Variants in LAP3 observed in about 807,000 individuals in gnomAD.
LAP3 encodes the protein leucine aminopeptidase 3.
In LAP3, 46 loss-of-function variants were observed where a neutral mutation model predicts 58.8. That is an observed-to-expected ratio of 0.78 (90% CI 0.62 to 1.00). The LOEUF is 1.00. LAP3 is among the 50% of genes least tolerant of loss of function. LAP3 has a pLI of 0.00. For missense variants in LAP3, 615 were observed against 659.1 expected (o/e 0.93, Z 0.73); for synonymous variants, 257 against 237.7 (o/e 1.08, Z -0.75).
At chr4:17,607,328 A>G in intron 12 of LAP3, 72 bp from the exon 13 acceptor site, 1 of 1,355,884 alleles carries the variant, frequency 7.4e-7, no homozygotes, top group Non-Finnish European at 1.0e-6. Flanking sequence ...TATAGAATGT[A>G]CTTAGCAAAA....
intron 10 of LAP3, among the ~76,000 whole-genome samples, chr4:17,604,307 G>T (rs1714061922): frequency 9.0e-6 from 1 of 111,008 alleles, no homozygotes; most frequent in South Asian, 2.9e-4. Context: ...TAGATGTCTG[G>T]AAGGAAATTT....
intron 11 of LAP3, among the ~76,000 whole-genome samples, chr4:17,606,586 C>T (rs766296016): frequency 1.3e-5 from 2 of 152,228 alleles, no homozygotes; most frequent in Non-Finnish European, 2.9e-5. Context: ...GATCCACCCG[C>T]CTCGGCCTCC....
chr4:17,597,197 C>A, intron 9 of LAP3, 63 bp downstream of exon 9: 1 of 1,351,960 alleles, frequency 7.4e-7, no homozygotes, highest in Non-Finnish European at 1.1e-6. Flanking sequence ...GTGGTGGCCA[C>A]ATAACCACAG....
At chr4:17,589,930 C>T (rs552825341) in intron 7 of LAP3, among the ~76,000 whole-genome samples, 1 of 152,126 alleles carries the variant, frequency 6.6e-6, no homozygotes, top group African/African-American at 2.4e-5. Context: ...TAATCTTATT[C>T]AACCATAAGT....
chr4:17,581,947 T>G (rs1451445249), intron 3 of LAP3, 133 bp downstream of exon 3: 2 of 778,964 alleles, frequency 2.6e-6, no homozygotes, highest in East Asian at 2.5e-5. Context: ...AGCAGAACAT[T>G]TAAGATTAAG....
intron 7 of LAP3, among the ~76,000 whole-genome samples, chr4:17,590,467 T>C (rs1713656990): frequency 6.6e-6 from 1 of 152,224 alleles, no homozygotes; most frequent in Admixed American, 6.5e-5. Context: ...ATGGTTTTCC[T>C]GGTATAGCCC....
intron 2 of LAP3, 63 bp downstream of exon 2, chr4:17,580,002 T>C: frequency 1.1e-6 from 1 of 940,858 alleles, no homozygotes; most frequent in Non-Finnish European, 1.6e-6. Context: ...TATTTTTTCT[T>C]TCTTTTCTTT....
chr4:17,607,370 T>G, intron 12 of LAP3, 30 bp from the exon 13 acceptor site: 1 of 1,594,102 alleles, frequency 6.3e-7, no homozygotes, highest in Admixed American at 1.8e-5. Context: ...TTACATGGGG[T>G]TGTAAAGTGC....
chr4:17,583,059 A>T (rs1713405431), intron 4 of LAP3, among the ~76,000 whole-genome samples: 1 of 152,192 alleles, frequency 6.6e-6, no homozygotes, highest in Non-Finnish European at 1.5e-5. Flanking sequence ...ATCTTAATAA[A>T]ATGCTGTGTT....
At chr4:17,597,166 C>T (rs1713851532) in intron 9 of LAP3, 32 bp downstream of exon 9, 2 of 1,568,388 alleles carry the variant, frequency 1.3e-6, no homozygotes, top group South Asian at 1.1e-5. Context: ...CACTCCCCAT[C>T]CAGCGTTCCT....
intron 7 of LAP3, among the ~76,000 whole-genome samples, chr4:17,591,068 C>T (rs1159888055): frequency 3.3e-5 from 5 of 150,446 alleles, no homozygotes; most frequent in East Asian, 2.0e-4. Context: ...CACACCCAGC[C>T]TAAACTTTTG....
intron 11 of LAP3, among the ~76,000 whole-genome samples, chr4:17,606,617 C>G (rs1459793311): frequency 6.6e-6 from 1 of 152,210 alleles, no homozygotes; most frequent in African/African-American, 2.4e-5. Flanking sequence ...GGATTATAGG[C>G]GTGAGCCACT....
At position 17,577,527 on chromosome 4, in the gene LAP3, G is replaced by T. The variant is rs769295580; in HGVS notation, c.62G>T (p.Arg21Leu). The T allele has an allele frequency of 6.3e-7, 1 of 1,581,894 alleles. No individual in the cohort carries two copies. Among genetic ancestry groups the T allele is most frequent in the African/African-American group, 1.4e-5 (1 of 74,046 alleles). Residue 21 changes from arginine (R) to leucine (L), a missense_variant, in exon 1 of 13, where the codon CGT becomes CTT. Transcript: ENST00000226299. ...RVVVRRLAVR[R>L]FGSRSLSTAD... ...GTCGTCCGACGTCTGGCCGTGAGAC[G>T]TTTCGGGAGCCGGAGTCTCTCCACC...
At chr4:17,586,905 A>G (rs1271449031) in intron 6 of LAP3, among the ~76,000 whole-genome samples, 1 of 152,200 alleles carries the variant, frequency 6.6e-6, no homozygotes, top group African/African-American at 2.4e-5. Context: ...CAGGAATTCA[A>G]GACCAGCCTG....
At chr4:17,600,415 G>C (rs767092311) in intron 10 of LAP3, among the ~76,000 whole-genome samples, 4 of 134,364 alleles carry the variant, frequency 3.0e-5, no homozygotes, top group Non-Finnish European at 6.6e-5. Context: ...AGGGTGGGGG[G>C]TTGGGGGAGG....
In LAP3 at chr4:17,593,609, G is replaced by GTTTTTTTTTTT. The variant is rs55676326; in HGVS notation, c.864-1791_864-1781dup. 5.3e-3 allele frequency among the ~76,000 whole-genome samples: 468 copies of GTTTTTTTTTTT among 87,582 alleles called. 76 individuals carry two copies. The highest frequency in any genetic ancestry group is 0.018 in the African/African-American group (392 of 21,404). 57.5% of individuals were successfully genotyped at this position (87,582 alleles called of 152,430 possible). A position where few individuals can be genotyped will look rare whatever the true frequency, so the allele number is the denominator to read the frequency against. ...CATATACATTTTAGAATCTGCTTGG[G>GTTTTTTTTTTT]TTTTTTTTTTTTTTTTTTTTGAGAC... is the stretch of plus-strand genomic sequence containing the variant. On this transcript the variant is annotated intron_variant, in intron 7 of 12. Coordinates refer to ENST00000226299, the MANE Select transcript of LAP3 (RefSeq NM_015907.3).
chr4:17,592,163 A>G (rs1198325995), intron 7 of LAP3, among the ~76,000 whole-genome samples: 1 of 152,206 alleles, frequency 6.6e-6, no homozygotes, highest in Non-Finnish European at 1.5e-5. Flanking sequence ...GTATACACCT[A>G]TGCACCGTTC....
At chr4:17,594,529 T>C (rs1347605914) in intron 7 of LAP3, among the ~76,000 whole-genome samples, 5 of 152,240 alleles carry the variant, frequency 3.3e-5, no homozygotes, top group Admixed American at 3.3e-4. Flanking sequence ...CCTGGCTCTG[T>C]GCTTGGCCTG....
intron 7 of LAP3, among the ~76,000 whole-genome samples, chr4:17,593,928 TCACA>T (rs1189771401): frequency 1.3e-5 from 2 of 152,112 alleles, no homozygotes; most frequent in South Asian, 2.1e-4. Flanking sequence ...GCTTGTTTTT[TCACA>T]CAACAAAACC....
Sources: allele counts gnomAD v4.1 joint callset (sites outside exome capture counted in the v4.1 genomes callset), GRCh38; gene constraint gnomAD v4.1.1; transcripts MANE v1.5; gene names NCBI Gene and HGNC (gene_info 2026-07-23, HGNC 2026-07-21).